The following HDAC4 variants were observed in gnomAD, a reference collection of about 807,000 sequenced individuals.
HDAC4 encodes the protein histone deacetylase 4, also known as histone deacetylase A.
In HDAC4, 16 loss-of-function variants were observed where a neutral mutation model predicts 135.1. That is an observed-to-expected ratio of 0.12 (90% CI 0.08 to 0.18). The LOEUF (loss-of-function observed/expected upper bound fraction) is 0.18. HDAC4 is among the 10% of genes least tolerant of loss of function. The pLI is 1.00. For synonymous variants in HDAC4, 685 were observed against 653.4 expected, an observed-to-expected ratio of 1.05 and a Z score of -0.74; for missense variants, 1,143 against 1,511.8, an observed-to-expected ratio of 0.76 and a Z score of 4.05.
intron 5 of HDAC4, among the ~76,000 whole-genome samples, chr2:239,175,280 T>G (rs967303810): frequency 6.6e-6 from 1 of 152,158 alleles, no homozygotes; most frequent in Non-Finnish European, 1.5e-5. Flanking sequence ...CTCTTTTAAG[T>G]GAAGATCTGA....
chr2:239,310,304 T>TC (rs1188058084), intron 2 of HDAC4, among the ~76,000 whole-genome samples: 1 of 152,148 alleles, frequency 6.6e-6, no homozygotes, highest in Non-Finnish European at 1.5e-5. Context: ...ACCCCAGGCG[T>TC]CCCTCAAGCC....
intron 6 of HDAC4, among the ~76,000 whole-genome samples, chr2:239,161,314 GT>G (rs2042777245): frequency 6.6e-6 from 1 of 152,116 alleles, no homozygotes; most frequent in African/African-American, 2.4e-5. Flanking sequence ...CATGTTTTGG[GT>G]TTTTGGTATC....
At chr2:239,358,324 T>C (rs75859751) in intron 1 of HDAC4, among the ~76,000 whole-genome samples, 1,565 of 152,340 alleles carry the variant, frequency 0.01, 29 homozygotes, top group African/African-American at 0.035. Flanking sequence ...ACCATTGGTG[T>C]TGGTGCTAAA....
At chr2:239,277,913 CCCAGCCACACACT>C (rs1362597370) in intron 2 of HDAC4, among the ~76,000 whole-genome samples, 5 of 151,752 alleles carry the variant, frequency 3.3e-5, no homozygotes, top group East Asian at 1.9e-4. Flanking sequence ...AGTCACACAC[CCCAGCCACACACT>C]CCAGCCACAC....
At chr2:239,372,364 A>G (rs982127090) in intron 1 of HDAC4, among the ~76,000 whole-genome samples, 12 of 152,150 alleles carry the variant, frequency 7.9e-5, no homozygotes, top group African/African-American at 2.9e-4. Context: ...ATGCACTCCC[A>G]TTTACAAAAG....
chr2:239,203,895 A>G (rs955664435), intron 3 of HDAC4, among the ~76,000 whole-genome samples: 1 of 152,236 alleles, frequency 6.6e-6, no homozygotes, highest in Non-Finnish European at 1.5e-5. Context: ...TAAGGCACCA[A>G]GAAAATAGGA....
chr2:239,274,703 C>G (rs2050251007), intron 2 of HDAC4, among the ~76,000 whole-genome samples: 1 of 152,208 alleles, frequency 6.6e-6, no homozygotes, highest in African/African-American at 2.4e-5. Flanking sequence ...CTCTCTCAGC[C>G]CAGCACAGTG....
intron 6 of HDAC4, among the ~76,000 whole-genome samples, chr2:239,157,030 C>A (rs1310567106): frequency 6.6e-6 from 1 of 152,200 alleles, no homozygotes. Context: ...CACCTCTGGC[C>A]GTTTTCCTGG....
chr2:239,333,473 G>A (rs184710436), intron 2 of HDAC4, among the ~76,000 whole-genome samples: 174 of 152,032 alleles, frequency 1.1e-3, no homozygotes, highest in Admixed American at 3.9e-3. Flanking sequence ...AAAATAACAC[G>A]TCAATCTCAT....
chr2:239,103,696 C>T (rs2037863971), intron 15 of HDAC4, among the ~76,000 whole-genome samples: 1 of 152,218 alleles, frequency 6.6e-6, no homozygotes, highest in South Asian at 2.1e-4. Context: ...AGCCCTGCCC[C>T]AGCATCCGCT....
intron 2 of HDAC4, among the ~76,000 whole-genome samples, chr2:239,329,966 A>C (rs1040283045): frequency 2.6e-5 from 4 of 152,040 alleles, no homozygotes; most frequent in African/African-American, 9.7e-5. Flanking sequence ...AGCAAGGAGG[A>C]GGGGTGTCCT....
chr2:239,247,152 C>T (rs532730499), intron 2 of HDAC4, among the ~76,000 whole-genome samples: 9 of 152,364 alleles, frequency 5.9e-5, no homozygotes, highest in East Asian at 1.9e-4. Context: ...TGGATAACCG[C>T]GCTCCCTCGC....
Position 239,162,243 on chromosome 2 carries a change from GC to G in HDAC4, c.611+1559del, listed in dbSNP as rs1196895643. 2.6e-5 allele frequency: 12 copies of G among 456,396 alleles called. No homozygotes were observed. In the East Asian group the frequency reaches 7.6e-4, roughly 29 times the overall value. The allele number at this position is 456,396 out of a possible 1,614,324, so 28.3% of individuals were successfully genotyped here. On this transcript the variant is annotated intron_variant, in intron 6 of 26. Transcript: ENST00000543185. ...ATCACTGTCTTCTCAAAGCTCGCTT[GC>G]TCGGCTGCCTCACAGGGGGACCCAA... is the stretch of plus-strand genomic sequence containing the variant.
chr2:239,107,608 G>A (rs1243828667), intron 15 of HDAC4, among the ~76,000 whole-genome samples: 1 of 152,222 alleles, frequency 6.6e-6, no homozygotes, highest in East Asian at 1.9e-4. Flanking sequence ...TAAAAAAAGA[G>A]AAAATTATTT....
At chr2:239,179,412 G>A (rs1480846355) in intron 4 of HDAC4, among the ~76,000 whole-genome samples, 1 of 152,208 alleles carries the variant, frequency 6.6e-6, no homozygotes, top group Non-Finnish European at 1.5e-5. Flanking sequence ...ATCAGTGGTG[G>A]CATTAGATTC....
intron 12 of HDAC4, among the ~76,000 whole-genome samples, chr2:239,120,851 G>A (rs1429014993): frequency 1.3e-5 from 2 of 151,966 alleles, no homozygotes; most frequent in Non-Finnish European, 2.9e-5. Flanking sequence ...TGGAGGGGAG[G>A]GGTTCCTGCA....
intron 1 of HDAC4, among the ~76,000 whole-genome samples, chr2:239,378,835 G>A (rs181097957): frequency 2.0e-5 from 3 of 152,168 alleles, no homozygotes; most frequent in South Asian, 2.1e-4. Context: ...TGGCAGAGTC[G>A]GACAATTTGG....
At position 239,299,627 on chromosome 2, in the gene HDAC4, G is replaced by C. The variant is rs577598632; in HGVS notation, c.22+53051C>G. ...CTTACTGGCTAAGTGATTTTCAATA[G>C]GATGCACTGAAACAAAAGCCAATTC... On this transcript the variant is annotated intron_variant, in intron 2 of 26. Coordinates refer to ENST00000543185, the MANE Select transcript of HDAC4 (RefSeq NM_001378414.1). This position sits in a 1 kb window ranked among gnomAD's most constrained non-coding sequence, Gnocchi z 4.0. Among the ~76,000 whole-genome samples, 3 of 152,336 alleles carry C rather than the reference G, an allele frequency of 2.0e-5. No individual in the cohort carries two copies. In the South Asian group the frequency reaches 6.2e-4, roughly 32 times the overall value.
rs74003746 is a variant in HDAC4 at position 239,182,381 on chromosome 2, C to T, written c.340-5818G>A. 3.2e-3 allele frequency among the ~76,000 whole-genome samples: 485 copies of T among 151,556 alleles called. 2 individuals are homozygous for T. The highest frequency in any genetic ancestry group is 0.011 in the African/African-American group (469 of 41,556). On this transcript the variant is annotated intron_variant, in intron 4 of 26. Coordinates refer to ENST00000543185, the MANE Select transcript of HDAC4 (RefSeq NM_001378414.1). ...GGACAGATGCAGCCTAATGCAGTCTCACAGTATCTACTTGTCAGCCAGAAC... is the reference window on the plus strand; with the variant it reads ...GGACAGATGCAGCCTAATGCAGTCTTACAGTATCTACTTGTCAGCCAGAAC...
Sources: gnomAD v4.1 joint callset for allele counts (sites outside exome capture counted in the v4.1 genomes callset) on GRCh38, gnomAD v4.1.1 for gene constraint, Gnocchi (gnomAD v3.1) non-coding constraint, MANE v1.5 for transcripts, NCBI Gene and HGNC (gene_info 2026-07-23, HGNC 2026-07-21) for gene names.